The following ZNF718 variants were observed in gnomAD, a reference collection of about 807,000 sequenced individuals.
The protein encoded by ZNF718 is zinc finger protein 718.
Under a neutral mutation model 2.6 loss-of-function variants are expected in ZNF718, and 3 were observed. The observed-to-expected ratio is 1.16, with a 90% confidence interval of 0.53 to 3.01. The LOEUF (loss-of-function observed/expected upper bound fraction) is 3.01. Ranked by LOEUF, ZNF718 falls within the 30% of genes most tolerant of loss-of-function variation. The probability of loss-of-function intolerance (pLI) is 0.03; values close to 1 mark genes in which losing one functional copy is unlikely to be tolerated. For synonymous variants in ZNF718, 135 were observed against 77.9 expected (o/e 1.73, Z -3.86); for missense variants, 468 against 230.0 (o/e 2.03, Z -6.69).
rs1047076883 is a variant in ZNF718 at position 124,561 on chromosome 4, C to T, written c.-110C>T. On this transcript the variant is annotated 5_prime_UTR_variant, in exon 1 of 4. Transcript: ENST00000510175. ...GGGCCTCATCGCTCTGCTCCCGCTC[C>T]TTAGGGAAGCCTCGGTGATTCTGCC... The T allele has an allele frequency of 6.6e-7, 1 of 1,511,614 alleles. No individual in the cohort carries two copies. Among genetic ancestry groups the T allele is most frequent in the East Asian group, 2.3e-5 (1 of 43,598 alleles). 93.6% of individuals were successfully genotyped at this position (1,511,614 alleles called of 1,614,324 possible). A position where few individuals can be genotyped will look rare whatever the true frequency, so the allele number is the denominator to read the frequency against.
chr4:187,906 G>A (rs1201195690), intron 3 of ZNF718, among the ~76,000 whole-genome samples: 2 of 152,216 alleles, frequency 1.3e-5, no homozygotes, highest in African/African-American at 4.8e-5. Flanking sequence ...ATCCCAGGGA[G>A]AAATTAGAAC....
chr4:169,741 C>G (rs979179711), intron 3 of ZNF718, among the ~76,000 whole-genome samples: 2 of 152,098 alleles, frequency 1.3e-5, no homozygotes, highest in Non-Finnish European at 2.9e-5. Context: ...GTATGTGTGC[C>G]TCTGCACGTG....
chr4:177,093 A>T (rs1553819187), intron 3 of ZNF718, among the ~76,000 whole-genome samples: 1 of 152,058 alleles, frequency 6.6e-6, no homozygotes, highest in Non-Finnish European at 1.5e-5. Flanking sequence ...TTACCACCTC[A>T]CACCAGATCA....
chr4:187,217 TTTTTTG>T (rs1242109651), intron 3 of ZNF718, among the ~76,000 whole-genome samples: 2 of 152,018 alleles, frequency 1.3e-5, no homozygotes, highest in Non-Finnish European at 2.9e-5. Context: ...TTTTGGGGTT[TTTTTTG>T]TTTTTGTTTT....
intron 3 of ZNF718, among the ~76,000 whole-genome samples, chr4:173,387 ATAC>A (rs1717279364): frequency 1.3e-5 from 2 of 152,180 alleles, no homozygotes; most frequent in South Asian, 4.1e-4. Context: ...CTTTGCTGAA[ATAC>A]TACTACCTAT....
intron 1 of ZNF718, among the ~76,000 whole-genome samples, chr4:126,271 TTTCTC>T (rs1553808001): frequency 6.6e-6 from 1 of 152,244 alleles, no homozygotes; most frequent in African/African-American, 2.4e-5. Flanking sequence ...GGCTTAATGA[TTTCTC>T]TTTAGAGTGA....
intron 3 of ZNF718, among the ~76,000 whole-genome samples, chr4:177,157 A>G (rs1446697418): frequency 1.3e-5 from 2 of 152,168 alleles, no homozygotes; most frequent in Non-Finnish European, 2.9e-5. Context: ...CACAAGTGCC[A>G]CCACAGGAAT....
rs1176029057 is a variant in ZNF718 at position 171,036 on chromosome 4, CT to C, written c.227-30042del. Among the ~76,000 whole-genome samples, 5 of 152,214 alleles carry C rather than the reference CT, an allele frequency of 3.3e-5. No individual in the cohort carries two copies. In the East Asian group the frequency reaches 7.7e-4, roughly 24 times the overall value. ...CAGATGGGGTTTTGGTGTGGATGTC[CT>C]TTCTGTTTGTTAGTTTTCCTTCTAA... is the stretch of plus-strand genomic sequence containing the variant. On this transcript the variant is annotated intron_variant and NMD_transcript_variant, in intron 3 of 4. Transcript: ENST00000642529.
rs782794162 is a variant in ZNF718, at chr4:150,207, CTATA to C, written c.227-10699_227-10696del. The C allele has an allele frequency of 3.9e-5, 6 of 151,982 alleles. No individual in the cohort carries two copies. The South Asian group carries it at 8.3e-4, about 21-fold the overall frequency. 9.4% of individuals were successfully genotyped at this position (151,982 alleles called of 1,614,324 possible). On this transcript the variant is annotated intron_variant, in intron 3 of 3. Coordinates refer to ENST00000510175, the MANE Select transcript of ZNF718 (RefSeq NM_001039127.6). ...ATCTGTTTTAAAATGAAATAATATT[CTATA>C]TATATGTCACATTTTAAAAATCCGA...
At chr4:141,988 G>C (rs782094422) in intron 3 of ZNF718, 4 of 518,964 alleles carry the variant, frequency 7.7e-6, no homozygotes, top group Non-Finnish European at 1.5e-5. Context: ...ATTTCCAGCA[G>C]GTAAAAAAGC....
chr4:141,813 C>T (rs1008014362), intron 3 of ZNF718, among the ~76,000 whole-genome samples: 1 of 152,012 alleles, frequency 6.6e-6, no homozygotes, highest in African/African-American at 2.4e-5. Flanking sequence ...AAATTAAATA[C>T]CAAAACAATA....
At chr4:176,257 C>T (rs782649617) in intron 3 of ZNF718, among the ~76,000 whole-genome samples, 2 of 152,140 alleles carry the variant, frequency 1.3e-5, no homozygotes, top group Non-Finnish European at 2.9e-5. Context: ...CAAGAATGGG[C>T]AACTACTCAA....
Position 163,182 on chromosome 4 carries a change from C to G in ZNF718, c.*1060C>G, listed in dbSNP as rs1553815993. The G allele has an allele frequency of 6.6e-6, 1 of 151,650 alleles. No homozygotes were observed. The highest frequency in any genetic ancestry group is 2.4e-5 in the African/African-American group (1 of 41,288). 9.4% of individuals were successfully genotyped at this position (151,650 alleles called of 1,614,324 possible). A position where few individuals can be genotyped will look rare whatever the true frequency, so the allele number is the denominator to read the frequency against. On this transcript the variant is annotated 3_prime_UTR_variant, in exon 4 of 4. Coordinates refer to ENST00000510175, the MANE Select transcript of ZNF718 (RefSeq NM_001039127.6). ...TGATTCTTTTTAGGTGGGCATCATTCATGAACTTTTTTTTTTTTTTTGAGA... is the reference window on the plus strand; with the variant it reads ...TGATTCTTTTTAGGTGGGCATCATTGATGAACTTTTTTTTTTTTTTTGAGA...
chr4:201,069 T>G (rs1717890025), intron 3 of ZNF718: 1 of 152,224 alleles, frequency 6.6e-6, no homozygotes, highest in Admixed American at 6.5e-5. Flanking sequence ...AGCACTTGAA[T>G]CCTTTCCCCA....
intron 3 of ZNF718, among the ~76,000 whole-genome samples, chr4:159,893 A>G (rs996998537): frequency 1.3e-5 from 2 of 152,186 alleles, no homozygotes; most frequent in Non-Finnish European, 2.9e-5. Flanking sequence ...AATCTTTACA[A>G]TGTTGCCTTG....
intron 3 of ZNF718, among the ~76,000 whole-genome samples, chr4:171,691 A>T (rs1418992868): frequency 6.6e-6 from 1 of 152,176 alleles, no homozygotes; most frequent in Non-Finnish European, 1.5e-5. Context: ...AGACCATTGG[A>T]AAAGCGTAGT....
chr4:166,592 G>T (rs187990116), downstream of ZNF718, among the ~76,000 whole-genome samples: 221 of 152,286 alleles, frequency 1.5e-3, no homozygotes, highest in African/African-American at 5.2e-3. Context: ...GCATTTCTCT[G>T]ATGGCCAGTG....
chr4:171,794 GGTGAGGCAAT>G (rs1323282832), intron 3 of ZNF718, among the ~76,000 whole-genome samples: 1 of 152,152 alleles, frequency 6.6e-6, no homozygotes, highest in African/African-American at 2.4e-5. Flanking sequence ...GTGCTTCCCG[GGTGAGGCAAT>G]GCCTCGCCCT....
At chr4:179,355 T>C (rs1343604614) in intron 3 of ZNF718, among the ~76,000 whole-genome samples, 1 of 152,212 alleles carries the variant, frequency 6.6e-6, no homozygotes, top group East Asian at 1.9e-4. Context: ...AAAGCTGTGT[T>C]GGCTATTCAT....
Sources: allele counts gnomAD v4.1 joint callset (sites outside exome capture counted in the v4.1 genomes callset), GRCh38; gene constraint gnomAD v4.1.1; transcripts MANE v1.5; gene names NCBI Gene and HGNC (gene_info 2026-07-23, HGNC 2026-07-21).